The following ZNF283 variants were observed in gnomAD, a reference collection of about 807,000 sequenced individuals.
ZNF283 encodes zinc finger protein 41.
In ZNF283, 10 loss-of-function variants were observed where a neutral mutation model predicts 9.2. That is an observed-to-expected ratio of 1.09 (90% CI 0.67 to 1.85). The LOEUF is 1.85. Ranked by LOEUF, ZNF283 falls within the 40% of genes most tolerant of loss-of-function variation. ZNF283 has a pLI of 0.00. For missense variants in ZNF283, 631 were observed against 760.1 expected (o/e 0.83, Z 2.00); for synonymous variants, 234 against 244.1 (o/e 0.96, Z 0.38).
Position 43,830,004 on chromosome 19 carries a change from CAG to C in ZNF283, c.-64-1311_-64-1310del, listed in dbSNP as rs1970636164. Among the ~76,000 whole-genome samples, 5 of 152,158 alleles carry C rather than the reference CAG, an allele frequency of 3.3e-5. No homozygotes were observed. In the South Asian group the frequency reaches 1.0e-3, roughly 32 times the overall value. ...CGCCACTGCACTCCAGCCTGGGTAA[CAG>C]AGCAAGACTGTCTCACACACAGACA... On this transcript the variant is annotated intron_variant, in intron 2 of 6. Transcript: ENST00000618787.
At chr19:43,839,485 C>T (rs1013712146) in intron 6 of ZNF283, among the ~76,000 whole-genome samples, 19 of 152,000 alleles carry the variant, frequency 1.3e-4, no homozygotes, top group Admixed American at 9.2e-4. Context: ...TGCCTTTTGT[C>T]AGATTTTGGA....
intron 4 of ZNF283, 76 bp from the exon 5 acceptor site, chr19:43,835,429 A>G: frequency 1.1e-6 from 1 of 927,900 alleles, no homozygotes; most frequent in South Asian, 1.4e-5. Flanking sequence ...TGGAGAAGAT[A>G]AGATCTTCTA....
chr19:43,836,998 C>T, intron 5 of ZNF283, 55 bp from the exon 6 acceptor site: 3 of 1,594,466 alleles, frequency 1.9e-6, no homozygotes, highest in Non-Finnish European at 2.6e-6. Context: ...CTCTTTTTTC[C>T]TCTTGGAAAT....
At chr19:43,842,841 A>G (rs1188709439) in intron 6 of ZNF283, among the ~76,000 whole-genome samples, 1 of 152,234 alleles carries the variant, frequency 6.6e-6, no homozygotes, top group Non-Finnish European at 1.5e-5. Context: ...ACCTCCACAC[A>G]CAAAGAAAAT....
At chr19:43,839,059 C>G (rs543113522) in intron 6 of ZNF283, among the ~76,000 whole-genome samples, 1 of 152,268 alleles carries the variant, frequency 6.6e-6, no homozygotes, top group South Asian at 2.1e-4. Context: ...CTTATGGCTT[C>G]TAATTACTGT....
intron 6 of ZNF283, among the ~76,000 whole-genome samples, chr19:43,846,493 T>C (rs536746377): frequency 1.3e-5 from 2 of 152,326 alleles, no homozygotes; most frequent in South Asian, 4.1e-4. Flanking sequence ...TATGTTTACA[T>C]ATTGCCCATG....
intron 3 of ZNF283, among the ~76,000 whole-genome samples, chr19:43,832,304 A>G (rs1217608325): frequency 6.6e-6 from 1 of 152,234 alleles, no homozygotes. Flanking sequence ...CAAAAAATAC[A>G]TTTTACAGAT....
chr19:43,830,832 G>C (rs1284579738), intron 2 of ZNF283, among the ~76,000 whole-genome samples: 1 of 146,346 alleles, frequency 6.8e-6, no homozygotes, highest in African/African-American at 2.5e-5. Context: ...GAACCTGGGA[G>C]ACAGAGGTTG....
In ZNF283 at chr19:43,831,349, A is replaced by G. The variant is rs746765026; in HGVS notation, c.-33A>G. ...CTTGACAGTGAATGTGTCTCATTAC[A>G]TTGAATAACAGCTACAGGATGTTCG... On this transcript the variant is annotated 5_prime_UTR_variant, in exon 3 of 7. Transcript: ENST00000618787. 1.3e-6 allele frequency: 2 copies of G among 1,596,120 alleles called. No homozygotes were observed. The highest frequency in any genetic ancestry group is 1.1e-5 in the South Asian group (1 of 90,312).
At position 43,847,991 on chromosome 19, in the gene ZNF283, T is replaced by C; in HGVS notation, c.1390T>C (p.Cys464Arg). 1 of 1,613,984 alleles carries C rather than the reference T, an allele frequency of 6.2e-7. No individual in the cohort carries two copies. Among genetic ancestry groups the C allele is most frequent in the Non-Finnish European group, 8.5e-7 (1 of 1,179,948 alleles). The change falls in exon 7 of 7, where the codon TGT becomes CGT. Residue 464 changes from cysteine to arginine, a missense_variant. By Grantham distance (180) the Cys-to-Arg change is radical. Transcript: ENST00000618787. ...TGAGAAACCTTTTGAATGTAAGGAA[T>C]GTGGGAAGGCCTTTAGTTGGGGTTC... ...TGEKPFECKE[C>R]GKAFSWGSSL... is the part of the protein sequence containing the mutation.
Position 43,848,446 on chromosome 19 carries a change from T to A in ZNF283, c.1845T>A (p.Ser615Arg), listed in dbSNP as rs367872625. ...GKAFGSGYQL[S>R]VHQRFHTGEK... Reference sequence around the variant, plus strand: ...CCTTTGGTAGTGGCTATCAACTTAGTGTTCATCAGAGATTTCATACTGGTG... The same window carrying A: ...CCTTTGGTAGTGGCTATCAACTTAGAGTTCATCAGAGATTTCATACTGGTG... Residue 615 changes from serine to arginine, a missense_variant, in exon 7 of 7, where the codon AGT becomes AGA. Physicochemically the swap from Ser to Arg is moderately radical, Grantham distance 110. Coordinates refer to ENST00000618787, the MANE Select transcript of ZNF283 (RefSeq NM_181845.2). The A allele has an allele frequency of 1.9e-5, 31 of 1,613,916 alleles. No individual in the cohort carries two copies. In the African/African-American group the frequency reaches 4.0e-4, roughly 21 times the overall value.
chr19:43,833,484 C>CTTTTT (rs55882936), intron 3 of ZNF283, 21 bp from the exon 4 acceptor site: 41 of 138,052 alleles, frequency 3.0e-4, no homozygotes, highest in South Asian at 1.2e-3. Flanking sequence ...TTACCTATTT[C>CTTTTT]TTTTTTTTTT....
intron 2 of ZNF283, among the ~76,000 whole-genome samples, chr19:43,831,059 C>T (rs1970688622): frequency 6.6e-6 from 1 of 151,838 alleles, no homozygotes; most frequent in Non-Finnish European, 1.5e-5. Flanking sequence ...TAATTTTAAG[C>T]AATCATTATA....
chr19:43,849,091 A>C lies in ZNF283; in HGVS notation c.*450A>C, dbSNP rs909975182. 3.2e-5 allele frequency: 5 copies of C among 154,022 alleles called. No homozygotes were observed. Among genetic ancestry groups the C allele is most frequent in the African/African-American group, 1.2e-4 (5 of 41,472 alleles). 9.5% of individuals were successfully genotyped at this position (154,022 alleles called of 1,614,324 possible). ...GGAATTTGGGAAGGCTTATAGACAC[A>C]GTAAATATCTTAGAGTACATCAGAG... On this transcript the variant is annotated 3_prime_UTR_variant, in exon 7 of 7. Coordinates refer to ENST00000618787, the MANE Select transcript of ZNF283 (RefSeq NM_181845.2).
chr19:43,842,196 G>T (rs1385134765), intron 6 of ZNF283, among the ~76,000 whole-genome samples: 2 of 151,852 alleles, frequency 1.3e-5, no homozygotes, highest in Admixed American at 6.6e-5. Flanking sequence ...CTTCAGTTTG[G>T]TAATACCTAT....
Position 43,847,196 on chromosome 19 carries a change from A to C in ZNF283, c.595A>C (p.Arg199=). ...RKSKSLTPHQ[R]IHNTEKSYVC... Reference sequence around the variant, plus strand: ...AAGTAAATCTCTTACTCCACATCAAAGAATTCATAATACAGAGAAATCCTA... The same window carrying C: ...AAGTAAATCTCTTACTCCACATCAACGAATTCATAATACAGAGAAATCCTA... Residue 199 remains arginine (R), a synonymous_variant, in exon 7 of 7, where the codon AGA becomes CGA. Coordinates refer to ENST00000618787, the MANE Select transcript of ZNF283 (RefSeq NM_181845.2). 6.2e-7 allele frequency: 1 copy of C among 1,613,888 alleles called. No individual in the cohort carries two copies. The highest frequency in any genetic ancestry group is 8.5e-7 in the Non-Finnish European group (1 of 1,179,798).
intron 2 of ZNF283, among the ~76,000 whole-genome samples, chr19:43,830,701 G>A (rs1185698033): frequency 2.0e-5 from 3 of 151,876 alleles, no homozygotes; most frequent in East Asian, 1.9e-4. Flanking sequence ...TCAGGAGTTC[G>A]AGACCAACCT....
intron 3 of ZNF283, among the ~76,000 whole-genome samples, chr19:43,833,161 G>T (rs1423182217): frequency 6.6e-6 from 1 of 152,012 alleles, no homozygotes; most frequent in Non-Finnish European, 1.5e-5. Flanking sequence ...GGAAACAGAG[G>T]TATTGAGAAA....
chr19:43,841,176 T>G (rs1971195829), intron 6 of ZNF283, among the ~76,000 whole-genome samples: 1 of 152,252 alleles, frequency 6.6e-6, no homozygotes, highest in South Asian at 2.1e-4. Context: ...TAGTTCTTTC[T>G]TTTGTTTCCA....
Sources: allele counts gnomAD v4.1 joint callset (sites outside exome capture counted in the v4.1 genomes callset), GRCh38; gene constraint gnomAD v4.1.1; transcripts MANE v1.5; gene names NCBI Gene and HGNC (gene_info 2026-07-23, HGNC 2026-07-21).